The following HAS3 variants were observed in gnomAD, a reference collection of about 807,000 sequenced individuals.
HAS3 encodes hyaluronan synthase 3.
In HAS3, 27 loss-of-function variants were observed where a neutral mutation model predicts 50.3. The ratio of observed to expected loss-of-function variants is 0.54; its 90% CI spans 0.40 to 0.74. The LOEUF (loss-of-function observed/expected upper bound fraction) is 0.74. Ranked by LOEUF, HAS3 falls within the 30% of genes least tolerant of loss-of-function variation. HAS3 has a pLI of 0.00. For missense variants in HAS3, 517 were observed against 742.8 expected (o/e 0.70, Z 3.53); for synonymous variants, 339 against 310.9 (o/e 1.09, Z -0.95).
chr16:69,102,757 G>A (rs964763777), upstream of HAS3, among the ~76,000 whole-genome samples: 7 of 152,208 alleles, frequency 4.6e-5, no homozygotes, highest in African/African-American at 7.2e-5. Flanking sequence ...AGCTGGCGGC[G>A]TGAGAAGGGC....
In HAS3 at chr16:69,109,732, T is replaced by C. The variant is rs145640839; in HGVS notation, c.337T>C (p.Phe113Leu). ...KCLRSAQRIS[F>L]PDLKVVMVVD... The stretch of plus-strand genomic sequence containing the variant: ...CCTGCGCTCGGCCCAGCGCATCTCC[T>C]TCCCTGACCTCAAGGTGGTCATGGT... The change falls in exon 2 of 4, where the codon TTC (phenylalanine) becomes CTC (leucine). Residue 113 changes from phenylalanine (F) to leucine (L), a missense_variant. Phe to Leu is a conservative substitution (Grantham distance 22). Transcript: ENST00000569188. This position sits in a 1 kb window ranked among gnomAD's most constrained non-coding sequence, Gnocchi z 5.3. The C allele has an allele frequency of 7.2e-5, 116 of 1,611,250 alleles. No individual in the cohort carries two copies. Among genetic ancestry groups the C allele is most frequent in the Non-Finnish European group, 9.6e-5 (113 of 1,179,944 alleles).
the HAS3 span, among the ~76,000 whole-genome samples, chr16:69,092,206 A>G: frequency 6.6e-6 from 1 of 152,212 alleles, no homozygotes; most frequent in African/African-American, 2.4e-5. Flanking sequence ...GGACCCAAGC[A>G]GTCTGGCTCC....
chr16:69,089,134 T>A, the HAS3 span, among the ~76,000 whole-genome samples: 1 of 152,102 alleles, frequency 6.6e-6, no homozygotes, highest in African/African-American at 2.4e-5. Flanking sequence ...CCTGGGTCCA[T>A]CCACCTGTTT....
intron 2 of HAS3, among the ~76,000 whole-genome samples, chr16:69,111,625 C>T (rs949936369): frequency 1.3e-5 from 2 of 152,198 alleles, no homozygotes; most frequent in South Asian, 2.1e-4. Flanking sequence ...TGACAGTTGT[C>T]TCTGCATGAG....
At chr16:69,100,650 C>A in the HAS3 span, among the ~76,000 whole-genome samples, 1 of 152,196 alleles carries the variant, frequency 6.6e-6, no homozygotes. Context: ...AACCGTGGGA[C>A]GATGGAGCAC....
Position 69,115,131 on chromosome 16 carries a change from G to A in HAS3, c.1527G>A (p.Glu509=), listed in dbSNP as rs1308054379. ...GCCAGGACCTGTTCAGTGAGACAGA[G>A]CTAGCCTTCCTTGTCTCTGGGGCTA... ...AYCQDLFSET[E]LAFLVSGAIL... Residue 509 remains glutamate (E), a synonymous_variant, in exon 4 of 4, where the codon GAG becomes GAA. Transcript: ENST00000569188. 1 of 1,610,548 alleles carries A rather than the reference G, an allele frequency of 6.2e-7. No homozygotes were observed.
the HAS3 span, among the ~76,000 whole-genome samples, chr16:69,096,043 C>T: frequency 1.4e-5 from 2 of 143,726 alleles, no homozygotes; most frequent in South Asian, 4.5e-4. Flanking sequence ...GGTGAAATCT[C>T]ATCTCTACTA....
chr16:69,097,390 C>T, the HAS3 span, among the ~76,000 whole-genome samples: 26,927 of 149,366 alleles, frequency 0.18, 2,558 homozygotes, highest in African/African-American at 0.24. Flanking sequence ...GAGGTTGCAG[C>T]GAGCCAAGAT....
Position 69,109,946 on chromosome 16 carries a change from C to T in HAS3, c.551C>T (p.Ser184Leu), listed in dbSNP as rs746954845. The T allele has an allele frequency of 5.0e-6, 8 of 1,614,068 alleles. No homozygotes were observed. Among genetic ancestry groups the T allele is most frequent in the South Asian group, 2.2e-5 (2 of 91,082 alleles). The change falls in exon 2 of 4, where the codon TCG becomes TTG. Residue 184 changes from serine to leucine, a missense_variant. Physicochemically the swap from Ser to Leu is moderately radical, Grantham distance 145. Coordinates refer to ENST00000569188, the MANE Select transcript of HAS3 (RefSeq NM_001199280.2). This position sits in a 1 kb window ranked among gnomAD's most constrained non-coding sequence, Gnocchi z 5.3. The part of the protein sequence containing the change: ...VRDVVRASTF[S>L]CIMQKWGGKR... ...GATGTGGTGCGGGCCAGCACCTTCTCGTGCATCATGCAGAAGTGGGGAGGC... is the reference window on the plus strand; with the variant it reads ...GATGTGGTGCGGGCCAGCACCTTCTTGTGCATCATGCAGAAGTGGGGAGGC...
chr16:69,099,477 A>G, the HAS3 span, among the ~76,000 whole-genome samples: 1 of 151,708 alleles, frequency 6.6e-6, no homozygotes, highest in Admixed American at 6.6e-5. Context: ...ACAGGTGCAC[A>G]CCACCATGCC....
the HAS3 span, among the ~76,000 whole-genome samples, chr16:69,092,597 T>C: frequency 1.4e-4 from 12 of 87,926 alleles, no homozygotes; most frequent in Non-Finnish European, 2.6e-4. Context: ...TGCAACTCCG[T>C]CTCAAAAAAA....
chr16:69,118,260 G>A, downstream of HAS3: 2 of 794,882 alleles, frequency 2.5e-6, no homozygotes, highest in East Asian at 2.6e-5. Context: ...TAAGTCCCAG[G>A]AGAAGGGAGC....
chr16:69,116,581 G>A lies in HAS3; in HGVS notation c.*1315G>A. Reference sequence around the variant, plus strand: ...GAATTCTTACAGCCAAGTTGTGACAGTCACTGCATTTGCCTGCTTCTTTCC... The same window carrying A: ...GAATTCTTACAGCCAAGTTGTGACAATCACTGCATTTGCCTGCTTCTTTCC... On this transcript the variant is annotated 3_prime_UTR_variant, in exon 4 of 4. Transcript: ENST00000569188. The A allele has an allele frequency of 3.0e-6, 3 of 985,674 alleles. No homozygotes were observed. Among genetic ancestry groups the A allele is most frequent in the Non-Finnish European group, 3.6e-6 (3 of 829,908 alleles). 61.1% of individuals were successfully genotyped at this position (985,674 alleles called of 1,614,324 possible). A position where few individuals can be genotyped will look rare whatever the true frequency, so the allele number is the denominator to read the frequency against.
At chr16:69,113,254 C>T (rs1309316280) in intron 2 of HAS3, among the ~76,000 whole-genome samples, 187 bp from the exon 3 acceptor site, 3 of 152,202 alleles carry the variant, frequency 2.0e-5, no homozygotes, top group Non-Finnish European at 4.4e-5. Flanking sequence ...GGTAGCTGTA[C>T]ACTTTTACTA....
chr16:69,085,209 C>A, the HAS3 span: 1 of 152,352 alleles, frequency 6.6e-6, no homozygotes, highest in African/African-American at 2.4e-5. Flanking sequence ...CCACTTCAGA[C>A]CAGCAGATCG....
chr16:69,109,118 T>G lies in HAS3; in HGVS notation c.1-278T>G, dbSNP rs567018330. On this transcript the variant is annotated intron_variant, in intron 1 of 3. Coordinates refer to ENST00000569188, the MANE Select transcript of HAS3 (RefSeq NM_001199280.2). The surrounding 1 kb of genome is among the most constrained non-coding windows in gnomAD (Gnocchi z 5.3). ...TCTACCCCAGTGCTACACTAAGGGC[T>G]TTGTATGTGTCGCCCATTTAACCCT... 2.0e-5 allele frequency among the ~76,000 whole-genome samples: 3 copies of G among 152,308 alleles called. No individual in the cohort carries two copies. The East Asian group carries it at 5.8e-4, about 29-fold the overall frequency.
chr16:69,111,223 A>G (rs1228791507), intron 2 of HAS3, among the ~76,000 whole-genome samples: 1 of 121,074 alleles, frequency 8.3e-6, no homozygotes, highest in Non-Finnish European at 1.6e-5. Context: ...GGTGTGCACC[A>G]CAACACCCAG....
chr16:69,095,514 A>T, the HAS3 span, among the ~76,000 whole-genome samples: 6 of 144,926 alleles, frequency 4.1e-5, no homozygotes, highest in East Asian at 4.0e-4. Flanking sequence ...TGCCTGGGGA[A>T]TTTTTTTTTT....
rs1011486817 is a variant in HAS3, at chr16:69,117,592, T to A, written c.*2326T>A. ...TTTTACCTGCTTTTTTTTTTTTTTT[T>A]AATTTTCAGGTCAAGTTTTTTATAC... is the stretch of plus-strand genomic sequence containing the variant. On this transcript the variant is annotated 3_prime_UTR_variant, in exon 4 of 4. Transcript: ENST00000569188. 3.5e-5 allele frequency: 27 copies of A among 768,402 alleles called. No homozygotes were observed. The highest frequency in any genetic ancestry group is 2.0e-4 in the Admixed American group (3 of 15,338). The allele number at this position is 768,402 out of a possible 1,614,324, so 47.6% of individuals were successfully genotyped here.
Sources: allele counts gnomAD v4.1 joint callset (sites outside exome capture counted in the v4.1 genomes callset), GRCh38; gene constraint gnomAD v4.1.1; non-coding constraint Gnocchi (gnomAD v3.1); transcripts MANE v1.5; gene names NCBI Gene and HGNC (gene_info 2026-07-23, HGNC 2026-07-21).